Variants in GOLGA4 observed in about 807,000 individuals in gnomAD.
GOLGA4 encodes golgin A4, also known as golgin subfamily A member 4.
GOLGA4 carries 169 observed loss-of-function variants against 265.9 expected under a neutral mutation model. The ratio of observed to expected loss-of-function variants is 0.64; its 90% CI spans 0.56 to 0.72. The LOEUF is 0.72. Ranked by LOEUF, GOLGA4 falls within the 30% of genes least tolerant of loss-of-function variation. The pLI is 0.00. For missense variants in GOLGA4, 2,482 were observed against 2,483.4 expected, an observed-to-expected ratio of 1.00 and a Z score of 0.01; for synonymous variants, 923 against 855.8, an observed-to-expected ratio of 1.08 and a Z score of -1.37.
At chr3:37,281,644 G>T (rs2096834917) in intron 2 of GOLGA4, among the ~76,000 whole-genome samples, 1 of 152,156 alleles carries the variant, frequency 6.6e-6, no homozygotes, top group South Asian at 2.1e-4. Context: ...CAATACACCT[G>T]TGAGGTCGGC....
chr3:37,256,514 A>G (rs1473350635), intron 2 of GOLGA4, among the ~76,000 whole-genome samples: 1 of 152,156 alleles, frequency 6.6e-6, no homozygotes, highest in East Asian at 1.9e-4. Flanking sequence ...TATTATAAAC[A>G]TTGAAGGCAG....
rs759996579 is a variant in GOLGA4 at position 37,302,173 on chromosome 3, A to G, written c.1087-12A>G. ...GTTATGCAAATGTTTTAGAGTCTTC[A>G]CTTCTATTCAGGGAATGGTAATCGC... On this transcript the variant is annotated splice_polypyrimidine_tract_variant and intron_variant, in intron 9 of 23. Transcript: ENST00000361924. 7 of 1,609,526 alleles carry G rather than the reference A, an allele frequency of 4.3e-6. No individual in the cohort carries two copies. Among genetic ancestry groups the G allele is most frequent in the Non-Finnish European group, 5.9e-6 (7 of 1,176,514 alleles).
chr3:37,273,287 T>C (rs1239635041), intron 2 of GOLGA4, among the ~76,000 whole-genome samples: 20 of 152,292 alleles, frequency 1.3e-4, no homozygotes, highest in Admixed American at 1.3e-3. Context: ...TAGCTTGAAA[T>C]AGGTTTTTCT....
intron 3 of GOLGA4, among the ~76,000 whole-genome samples, 194 bp downstream of exon 3, chr3:37,282,466 C>G (rs1439802617): frequency 1.3e-5 from 2 of 152,178 alleles, no homozygotes; most frequent in East Asian, 3.8e-4. Context: ...GACAGAGGCC[C>G]TTTGGCAAGA....
intron 20 of GOLGA4, chr3:37,341,916 G>A (rs1172268944): frequency 6.6e-6 from 1 of 152,040 alleles, no homozygotes; most frequent in Non-Finnish European, 1.5e-5. Context: ...ACACGTTTTT[G>A]TCTTTTTTAA....
intron 20 of GOLGA4, among the ~76,000 whole-genome samples, chr3:37,345,457 T>C (rs1208159729): frequency 2.6e-5 from 4 of 152,192 alleles, no homozygotes; most frequent in African/African-American, 9.7e-5. Context: ...CCAGATAAAG[T>C]GTGGGTTTTA....
Position 37,290,549 on chromosome 3 carries a change from T to C in GOLGA4, c.582+1258T>C, listed in dbSNP as rs562266583. On this transcript the variant is annotated intron_variant, in intron 5 of 23. Coordinates refer to ENST00000361924, the MANE Select transcript of GOLGA4 (RefSeq NM_002078.5). ...AAACCAGGCTAATTTACTTTTGTTA[T>C]ACTGACAAGACCAAGCATTGGCCTC... 4.6e-5 allele frequency among the ~76,000 whole-genome samples: 7 copies of C among 152,356 alleles called. No individual in the cohort carries two copies. The South Asian group carries it at 1.2e-3, about 27-fold the overall frequency.
intron 11 of GOLGA4, among the ~76,000 whole-genome samples, chr3:37,317,909 C>T (rs983312141): frequency 1.0e-4 from 15 of 150,468 alleles, no homozygotes; most frequent in African/African-American, 3.4e-4. Flanking sequence ...AACTTGTTTT[C>T]GTAGAAAATT....
At position 37,337,669 on chromosome 3, in the gene GOLGA4, CAGCT is replaced by C; in HGVS notation, c.6335_6338del (p.Leu2112HisfsTer6). 6.2e-7 allele frequency: 1 copy of C among 1,607,370 alleles called. No homozygotes were observed. Among genetic ancestry groups the C allele is most frequent in the Non-Finnish European group, 8.5e-7 (1 of 1,173,866 alleles). On this transcript the variant is annotated frameshift_variant, in exon 19 of 24. Transcript: ENST00000361924. LOFTEE classifies it high-confidence loss of function. ...ATCTGACTTTTTGTTCTTTCAGACA[CAGCT>C]AGCACAGAAGACGACTTTAATCAGT...
At position 37,323,809 on chromosome 3, in the gene GOLGA4, A is replaced by G. The variant is rs2096961939; in HGVS notation, c.1923A>G (p.Glu641=). The G allele has an allele frequency of 1.2e-6, 2 of 1,609,594 alleles. No individual in the cohort carries two copies. The highest frequency in any genetic ancestry group is 2.7e-5 in the African/African-American group (2 of 74,380). ...LQVLKQQYQT[E]MEKLREKCEQ... is the part of the protein sequence containing the mutation. ...TCTTAAAGCAACAATATCAGACTGA[A>G]ATGGAAAAACTTAGGGAAAAGTGTG... The change falls in exon 14 of 24, where the codon GAA becomes GAG. Residue 641 remains glutamate, a synonymous_variant. Transcript: ENST00000361924.
At chr3:37,331,864 A>C (rs982812809) in intron 16 of GOLGA4, among the ~76,000 whole-genome samples, 1 of 152,106 alleles carries the variant, frequency 6.6e-6, no homozygotes, top group Non-Finnish European at 1.5e-5. Context: ...TTTGTCATTA[A>C]ATCTGCTTCT....
chr3:37,299,418 A>G (rs932735288), intron 9 of GOLGA4, 47 bp downstream of exon 9: 6 of 1,148,106 alleles, frequency 5.2e-6, no homozygotes, highest in South Asian at 1.3e-5. Flanking sequence ...AGAGGCCCCA[A>G]CATTTACTTT....
At chr3:37,285,911 T>C (rs1309826479) in intron 3 of GOLGA4, 103 bp from the exon 4 acceptor site, 4 of 646,904 alleles carry the variant, frequency 6.2e-6, no homozygotes, top group Non-Finnish European at 1.1e-5. Context: ...TTAAGGACTC[T>C]TCTAATTTAT....
In GOLGA4 at chr3:37,347,263, G is replaced by A; in HGVS notation, c.6543G>A (p.Val2181=). 1 of 1,610,594 alleles carries A rather than the reference G, an allele frequency of 6.2e-7. No homozygotes were observed. The highest frequency in any genetic ancestry group is 1.1e-5 in the South Asian group (1 of 91,002). The change falls in exon 21 of 24, where the codon GTG becomes GTA. Residue 2181 remains valine, a synonymous_variant. Transcript: ENST00000361924. ...EPTEFEYLRK[V]LFEYMMGRET... is the part of the protein sequence containing the mutation. ...CCGAATTTGAGTATTTGCGAAAAGT[G>A]CTTTTTGAGTATATGATGGGTCGTG...
intron 2 of GOLGA4, among the ~76,000 whole-genome samples, chr3:37,266,632 T>A (rs2096784505): frequency 6.6e-6 from 1 of 152,210 alleles, no homozygotes; most frequent in South Asian, 2.1e-4. Context: ...GATCCTAAAC[T>A]GATCACGCAT....
At chr3:37,348,991 C>T (rs1339412035) in intron 21 of GOLGA4, among the ~76,000 whole-genome samples, 1 of 152,158 alleles carries the variant, frequency 6.6e-6, no homozygotes, top group Admixed American at 6.5e-5. Context: ...ATGGCACAAG[C>T]AGCCCCATCT....
intron 11 of GOLGA4, 120 bp downstream of exon 11, chr3:37,315,718 G>A (rs1411705109): frequency 1.2e-6 from 1 of 855,420 alleles, no homozygotes; most frequent in Non-Finnish European, 1.8e-6. Context: ...ACTGTTTTCT[G>A]ATATTCAGGT....
At chr3:37,320,304 T>G (rs2096951319) in intron 12 of GOLGA4, 1 of 152,198 alleles carries the variant, frequency 6.6e-6, no homozygotes, top group Non-Finnish European at 1.5e-5. Context: ...TTGTATGAAA[T>G]TATTATCCGT....
chr3:37,320,576 T>C (rs1030801127), intron 12 of GOLGA4, among the ~76,000 whole-genome samples: 13 of 152,358 alleles, frequency 8.5e-5, no homozygotes, highest in South Asian at 4.1e-4. Context: ...TTGTTTTCTT[T>C]GTTGATCCAG....
Sources: gnomAD v4.1 joint callset for allele counts (sites outside exome capture counted in the v4.1 genomes callset) on GRCh38, gnomAD v4.1.1 for gene constraint, MANE v1.5 for transcripts, NCBI Gene and HGNC (gene_info 2026-07-23, HGNC 2026-07-21) for gene names.